PLK2: variants seen among roughly 807,000 people sequenced by gnomAD.
The protein encoded by PLK2 is polo like kinase 2, also known as serine/threonine-protein kinase PLK2.
In PLK2, 25 loss-of-function variants were observed where a neutral mutation model predicts 78.1. The ratio of observed to expected loss-of-function variants is 0.32; its 90% CI spans 0.23 to 0.45. The LOEUF (loss-of-function observed/expected upper bound fraction) is 0.45. Ranked by LOEUF, PLK2 falls within the 20% of genes least tolerant of loss-of-function variation. The pLI, the probability that PLK2 is intolerant of heterozygous loss-of-function variation, is 1.00. For synonymous variants in PLK2, 332 were observed against 298.2 expected (o/e 1.11, Z -1.17); for missense variants, 566 against 840.2 (o/e 0.67, Z 4.04).
rs1363513180 is a variant in PLK2 at position 58,457,280 on chromosome 5, C to A, written c.909G>T (p.Leu303Phe). Reference protein sequence around the residue: ...REARYTMPSSLLAPAKHLIAS... With the variant: ...REARYTMPSSFLAPAKHLIAS... ...CAATTAAGTGCTTGGCAGGAGCCAG[C>A]AATGAGGACGGCATTGTATACCTTG... The change falls in exon 7 of 14, where the codon TTG (leucine) becomes TTT (phenylalanine). Residue 303 changes from leucine (L) to phenylalanine (F), a missense_variant. This residue lies in a region of PLK2 where 179 missense variants were observed against 342.3 expected (regional missense o/e 0.52). Coordinates refer to ENST00000274289, the MANE Select transcript of PLK2 (RefSeq NM_006622.4). 1 of 1,613,574 alleles carries A rather than the reference C, an allele frequency of 6.2e-7. No homozygotes were observed. The highest frequency in any genetic ancestry group is 1.3e-5 in the African/African-American group (1 of 74,896).
At chr5:58,457,156 T>TA (rs554519811) in intron 7 of PLK2, 25 bp downstream of exon 7, 1,370 of 1,429,908 alleles carry the variant, frequency 9.6e-4, no homozygotes, top group Middle Eastern at 1.4e-3. Flanking sequence ...ACCAGGTAAT[T>TA]AAAAAAAAAA....
intron 9 of PLK2, 81 bp downstream of exon 9, chr5:58,456,410 AT>A: frequency 1.1e-6 from 1 of 909,104 alleles, no homozygotes; most frequent in East Asian, 2.4e-5. Context: ...TTGAACCATG[AT>A]AATCATAGTC....
rs757499047 is a variant in PLK2, at chr5:58,458,758, G to A, written c.462C>T (p.Asn154=). ...TGCAGTATTCCAAGAGAATGTAAAT[G>A]TTTTCTTTGTCCTCGAAGTAGTGGT... ...QFYHYFEDKE[N]IYILLEYCSR... is the part of the protein sequence containing the mutation. Residue 154 remains asparagine (N), a synonymous_variant, in exon 3 of 14, where the codon AAC becomes AAT. Transcript: ENST00000274289. The A allele has an allele frequency of 6.9e-6, 11 of 1,587,504 alleles. No homozygotes were observed. Among genetic ancestry groups the A allele is most frequent in the Non-Finnish European group, 9.5e-6 (11 of 1,155,878 alleles).
chr5:58,459,649 C>A, intron 1 of PLK2, 41 bp downstream of exon 1: 3 of 1,511,228 alleles, frequency 2.0e-6, no homozygotes, highest in Non-Finnish European at 2.7e-6. Flanking sequence ...CCCGGACAGA[C>A]CTCCCGCCCG....
Position 58,460,003 on chromosome 5 carries a change from G to A in PLK2, c.-44C>T. 1 of 1,539,404 alleles carries A rather than the reference G, an allele frequency of 6.5e-7. No individual in the cohort carries two copies. The highest frequency in any genetic ancestry group is 8.7e-7 in the Non-Finnish European group (1 of 1,144,156). ...CACTGCCCGCTGCCACCCCCTAGGCGCGGTCACACGTCCGAGCCGGCCGTG... is the reference window on the plus strand; with the variant it reads ...CACTGCCCGCTGCCACCCCCTAGGCACGGTCACACGTCCGAGCCGGCCGTG... On this transcript the variant is annotated 5_prime_UTR_variant, in exon 1 of 14. Coordinates refer to ENST00000274289, the MANE Select transcript of PLK2 (RefSeq NM_006622.4).
chr5:58,457,451 G>A (rs778590383), intron 6 of PLK2, 37 bp downstream of exon 6: 39 of 1,582,874 alleles, frequency 2.5e-5, no homozygotes, highest in Non-Finnish European at 3.0e-5. Context: ...ATCTAAATCC[G>A]AATTTGCTTT....
At position 58,457,581 on chromosome 5, in the gene PLK2, G is replaced by A. The variant is rs1226658961; in HGVS notation, c.716C>T (p.Thr239Met). ...RLEPLEHRRR[T>M]ICGTPNYLSP... Reference sequence around the variant, plus strand: ...GAGATAATTTGGGGTACCACATATCGTTCTGGAAAGACAAAATATTGAGAT... The same window carrying A: ...GAGATAATTTGGGGTACCACATATCATTCTGGAAAGACAAAATATTGAGAT... Residue 239 changes from threonine to methionine, a missense_variant and splice_region_variant, in exon 6 of 14, where the codon ACG (threonine) becomes ATG (methionine). Physicochemically the swap from Thr to Met is moderately conservative, Grantham distance 81 (BLOSUM62 -1). Around this residue, in one of 5 missense-constraint regions of PLK2, gnomAD observed 179 missense variants for 342.3 expected, o/e 0.52. Coordinates refer to ENST00000274289, the MANE Select transcript of PLK2 (RefSeq NM_006622.4). 3.2e-6 allele frequency: 5 copies of A among 1,573,342 alleles called. No individual in the cohort carries two copies. The highest frequency in any genetic ancestry group is 1.4e-5 in the African/African-American group (1 of 74,032).
At chr5:58,455,264 C>T in intron 12 of PLK2, 21 bp downstream of exon 12, 1 of 1,613,402 alleles carries the variant, frequency 6.2e-7, no homozygotes, top group Non-Finnish European at 8.5e-7. Context: ...AATGTCACCA[C>T]TCTAAAGCCA....
At chr5:58,456,454 T>A (rs771053041) in intron 9 of PLK2, 38 bp downstream of exon 9, 2 of 1,182,358 alleles carry the variant, frequency 1.7e-6, no homozygotes, top group East Asian at 2.3e-5. Flanking sequence ...GGAAATAACG[T>A]AAAGCGTGAG....
In PLK2 at chr5:58,459,873, G is replaced by C; in HGVS notation, c.87C>G (p.Asp29Glu). ...EQALGKGCGA[D>E]SKKKRPPQPP... Reference sequence around the variant, plus strand: ...GCTGCGGCGGCCGCTTCTTCTTCGAGTCCGCTCCGCAACCCTTGCCCAGCG... The same window carrying C: ...GCTGCGGCGGCCGCTTCTTCTTCGACTCCGCTCCGCAACCCTTGCCCAGCG... The change falls in exon 1 of 14, where the codon GAC becomes GAG. Residue 29 changes from aspartate to glutamate, a missense_variant. This residue lies in a region of PLK2 where 127 missense variants were observed against 122.5 expected (regional missense o/e 1.04). Coordinates refer to ENST00000274289, the MANE Select transcript of PLK2 (RefSeq NM_006622.4). 1 of 1,611,738 alleles carries C rather than the reference G, an allele frequency of 6.2e-7. No individual in the cohort carries two copies.
At position 58,459,860 on chromosome 5, in the gene PLK2, GCTT is replaced by G. The variant is rs1416035156; in HGVS notation, c.97_99del (p.Lys33del). ...GATTCCTCGGGGGGCTGCGGCGGCC[GCTT>G]CTTCTTCGAGTCCGCTCCGCAACCC... On this transcript the variant is annotated inframe_deletion, in exon 1 of 14. Transcript: ENST00000274289. The G allele has an allele frequency of 1.5e-5, 24 of 1,610,558 alleles. No homozygotes were observed. The highest frequency in any genetic ancestry group is 1.9e-5 in the Non-Finnish European group (22 of 1,179,710).
In PLK2 at chr5:58,455,737, G is replaced by A. The variant is rs1209851623; in HGVS notation, c.1427C>T (p.Ala476Val). 3 of 1,613,946 alleles carry A rather than the reference G, an allele frequency of 1.9e-6. No individual in the cohort carries two copies. The highest frequency in any genetic ancestry group is 2.5e-6 in the Non-Finnish European group (3 of 1,179,958). ...STMGSVADTV[A>V]RVLRGCLENM... is the part of the protein sequence containing the mutation. The stretch of plus-strand genomic sequence containing the variant: ...TTCCAGACATCCCCGAAGAACCCTT[G>A]CCACTGTGTCTGCAACACTTCCCAT... Residue 476 changes from alanine (A) to valine (V), a missense_variant, in exon 11 of 14, where the codon GCA (alanine) becomes GTA (valine). By Grantham distance (64) the Ala-to-Val change is moderately conservative. Coordinates refer to ENST00000274289, the MANE Select transcript of PLK2 (RefSeq NM_006622.4).
At chr5:58,455,044 G>A in intron 12 of PLK2, 23 bp from the exon 13 acceptor site, 1 of 1,377,566 alleles carries the variant, frequency 7.3e-7, no homozygotes, top group Non-Finnish European at 1.0e-6. Flanking sequence ...AGGAGAGTGA[G>A]TTAGTGCCTA....
In PLK2 at chr5:58,457,472, T is replaced by A; in HGVS notation, c.809+16A>T. 6.3e-7 allele frequency: 1 copy of A among 1,595,922 alleles called. No individual in the cohort carries two copies. On this transcript the variant is annotated intron_variant, in intron 6 of 13. Transcript: ENST00000274289. ...ATCCGAATTTGCTTTTTAATTATTCTGCTGCATTTACTTACATTACACAGC... is the reference window on the plus strand; with the variant it reads ...ATCCGAATTTGCTTTTTAATTATTCAGCTGCATTTACTTACATTACACAGC...
In PLK2 at chr5:58,458,388, C is replaced by G; in HGVS notation, c.625+11G>C. On this transcript the variant is annotated intron_variant, in intron 4 of 13. Coordinates refer to ENST00000274289, the MANE Select transcript of PLK2 (RefSeq NM_006622.4). ...TAACACAAAACTCAGCTTTTGGCGT[C>G]AATGACTTACCTAGTTTGAGATCTC... is the stretch of plus-strand genomic sequence containing the variant. 1 of 1,613,628 alleles carries G rather than the reference C, an allele frequency of 6.2e-7. No individual in the cohort carries two copies. Among genetic ancestry groups the G allele is most frequent in the Non-Finnish European group, 8.5e-7 (1 of 1,179,600 alleles).
chr5:58,455,918 C>T, intron 10 of PLK2, 108 bp downstream of exon 10: 1 of 1,467,084 alleles, frequency 6.8e-7, no homozygotes, highest in East Asian at 2.3e-5. Context: ...TGTAATCTTA[C>T]TACTTCTATG....
chr5:58,457,769 G>C, intron 5 of PLK2, 186 bp from the exon 6 acceptor site: 1 of 590,228 alleles, frequency 1.7e-6, no homozygotes, highest in Non-Finnish European at 3.0e-6. Context: ...AATGAGTTTT[G>C]GTAATTTTTA....
intron 12 of PLK2, 117 bp from the exon 13 acceptor site, chr5:58,455,138 C>T (rs1743561124): frequency 3.4e-6 from 4 of 1,160,692 alleles, no homozygotes; most frequent in Non-Finnish European, 5.0e-6. Context: ...CTTTGGAAAT[C>T]CCTGCCTCCA....
At position 58,459,765 on chromosome 5, in the gene PLK2, C is replaced by G. The variant is rs1240257469; in HGVS notation, c.195G>C (p.Ser65=). ...CGATAATCCGCGAGATCTCCGGCCC[C>G]GAGTGCGAATGGTGGTGATGGTGGT... ...APHHHHHHSH[S]GPEISRIIVD... is the part of the protein sequence containing the mutation. Residue 65 remains serine, a synonymous_variant, in exon 1 of 14, where the codon TCG becomes TCC. Transcript: ENST00000274289. The G allele has an allele frequency of 2.5e-6, 4 of 1,607,646 alleles. No homozygotes were observed. Among genetic ancestry groups the G allele is most frequent in the Non-Finnish European group, 3.4e-6 (4 of 1,179,562 alleles).
Sources: allele counts gnomAD v4.1 joint callset, GRCh38; gene constraint gnomAD v4.1.1; regional missense constraint gnomAD v4.1.1; transcripts MANE v1.5; gene names NCBI Gene and HGNC (gene_info 2026-07-23, HGNC 2026-07-21).